C8orf34: variants seen among roughly 807,000 people sequenced by gnomAD.
The protein encoded by C8orf34 is uncharacterized protein C8orf34.
Under a neutral mutation model 68.3 loss-of-function variants are expected in C8orf34, and 65 were observed. That is an observed-to-expected ratio of 0.95 (90% CI 0.78 to 1.17). The LOEUF (loss-of-function observed/expected upper bound fraction) is 1.17. Among genes scored for constraint, C8orf34 ranks in the 50% most tolerant of loss-of-function variants. C8orf34 has a pLI of 0.00. For synonymous variants in C8orf34, 244 were observed against 241.2 expected, an observed-to-expected ratio of 1.01 and a Z score of -0.11; for missense variants, 664 against 655.4, an observed-to-expected ratio of 1.01 and a Z score of -0.14.
chr8:68,790,026 T>C (rs1380393909), intron 12 of C8orf34, among the ~76,000 whole-genome samples: 3 of 152,098 alleles, frequency 2.0e-5, no homozygotes, highest in Non-Finnish European at 4.4e-5. Context: ...TTTAAAGTAA[T>C]TGGGTAGTAA....
At chr8:68,784,695 G>A (rs1045338690) in intron 11 of C8orf34, among the ~76,000 whole-genome samples, 6 of 151,982 alleles carry the variant, frequency 3.9e-5, no homozygotes, top group Non-Finnish European at 7.4e-5. Context: ...ACCCAATACT[G>A]GCTTATGTGT....
intron 1 of C8orf34, among the ~76,000 whole-genome samples, chr8:68,344,192 A>G (rs1014836309): frequency 6.6e-6 from 1 of 152,194 alleles, no homozygotes; most frequent in Non-Finnish European, 1.5e-5. Context: ...TCATTAAACA[A>G]ATGTGGGGCA....
At chr8:68,689,581 C>T (rs564679572) in intron 8 of C8orf34, among the ~76,000 whole-genome samples, 110 of 152,104 alleles carry the variant, frequency 7.2e-4, no homozygotes, top group Non-Finnish European at 1.5e-3. Flanking sequence ...CTTAAATGTT[C>T]ATCATCAGTA....
intron 11 of C8orf34, among the ~76,000 whole-genome samples, chr8:68,778,830 G>T (rs1823592427): frequency 6.6e-6 from 1 of 152,028 alleles, no homozygotes; most frequent in South Asian, 2.1e-4. Flanking sequence ...AATTCAATCA[G>T]TTCCAAATCT....
intron 10 of C8orf34, among the ~76,000 whole-genome samples, chr8:68,740,866 T>C (rs1822268983): frequency 6.6e-6 from 1 of 152,188 alleles, no homozygotes; most frequent in African/African-American, 2.4e-5. Context: ...AAAGCAAATG[T>C]GGTACATATA....
intron 4 of C8orf34, among the ~76,000 whole-genome samples, chr8:68,478,419 C>A (rs1305079129): frequency 1.3e-5 from 2 of 152,174 alleles, no homozygotes; most frequent in Non-Finnish European, 2.9e-5. Flanking sequence ...CTAGGAATTT[C>A]CAAACTTTCC....
intron 5 of C8orf34, among the ~76,000 whole-genome samples, chr8:68,497,410 T>A (rs1000998957): frequency 6.6e-6 from 1 of 152,164 alleles, no homozygotes; most frequent in Non-Finnish European, 1.5e-5. Context: ...ACATTGCTAG[T>A]GGGAATGCAA....
At chr8:68,444,822 T>A (rs902149197) in intron 2 of C8orf34, among the ~76,000 whole-genome samples, 1 of 152,228 alleles carries the variant, frequency 6.6e-6, no homozygotes, top group African/African-American at 2.4e-5. Context: ...ATTCATTTCA[T>A]TCCTCTCTGG....
intron 7 of C8orf34, among the ~76,000 whole-genome samples, chr8:68,626,519 G>A (rs1361798152): frequency 6.6e-6 from 1 of 152,100 alleles, no homozygotes; most frequent in East Asian, 1.9e-4. Flanking sequence ...CTCTCCAAAT[G>A]GCTTTTTTGA....
At chr8:68,623,966 T>A (rs981114256) in intron 7 of C8orf34, among the ~76,000 whole-genome samples, 1 of 152,090 alleles carries the variant, frequency 6.6e-6, no homozygotes, top group Non-Finnish European at 1.5e-5. Flanking sequence ...ACAAATGATA[T>A]TTTTCCTCTA....
At chr8:68,743,060 C>G (rs1822351037) in intron 10 of C8orf34, among the ~76,000 whole-genome samples, 1 of 151,670 alleles carries the variant, frequency 6.6e-6, no homozygotes, top group Non-Finnish European at 1.5e-5. Flanking sequence ...CTCTCTCTGA[C>G]TAATTCCATT....
chr8:68,784,813 T>TGTATGTGTGC lies in C8orf34; in HGVS notation c.1456-2628_1456-2627insATGTGTGCGT, dbSNP rs756827532. ...GTGTATGTGTGTGTATGTGTGTGTG[T>TGTATGTGTGC]GTGTGTGTGTGTGTTTTCGAGTACT... On this transcript the variant is annotated intron_variant, in intron 11 of 13. Transcript: ENST00000518698. Among the ~76,000 whole-genome samples, 412 of 151,694 alleles carry TGTATGTGTGC rather than the reference T, an allele frequency of 2.7e-3. 2 individuals carry two copies. Among genetic ancestry groups the TGTATGTGTGC allele is most frequent in the Middle Eastern group, 0.01 (3 of 292 alleles).
At chr8:68,674,268 A>G (rs1340520959) in intron 8 of C8orf34, among the ~76,000 whole-genome samples, 1 of 151,960 alleles carries the variant, frequency 6.6e-6, no homozygotes, top group Non-Finnish European at 1.5e-5. Context: ...CATCAAGACC[A>G]TCCAGAAAAG....
At chr8:68,555,768 A>G (rs954606236) in intron 7 of C8orf34, among the ~76,000 whole-genome samples, 8 of 152,190 alleles carry the variant, frequency 5.3e-5, no homozygotes, top group Non-Finnish European at 1.0e-4. Flanking sequence ...TTAGAAATTT[A>G]TTCATGTAGG....
intron 7 of C8orf34, among the ~76,000 whole-genome samples, chr8:68,551,293 C>T (rs145825001): frequency 2.8e-3 from 431 of 151,976 alleles, no homozygotes; most frequent in African/African-American, 9.3e-3. Context: ...GTCCAGTCTA[C>T]TAATGAGCTA....
intron 11 of C8orf34, among the ~76,000 whole-genome samples, chr8:68,783,637 G>A (rs1823758202): frequency 6.6e-6 from 1 of 151,554 alleles, no homozygotes; most frequent in African/African-American, 2.4e-5. Context: ...AGATCTGGAA[G>A]TCCCTCCCTA....
At chr8:68,453,825 A>G (rs1811440605) in intron 3 of C8orf34, among the ~76,000 whole-genome samples, 1 of 152,008 alleles carries the variant, frequency 6.6e-6, no homozygotes, top group East Asian at 1.9e-4. Context: ...GAAGTGATGA[A>G]AGCAGGAAGG....
chr8:68,745,433 C>G (rs1234941929), intron 10 of C8orf34, among the ~76,000 whole-genome samples: 41 of 152,060 alleles, frequency 2.7e-4, no homozygotes, highest in Non-Finnish European at 2.4e-4. Flanking sequence ...AAAAGACACA[C>G]ACTGGCAAAT....
intron 12 of C8orf34, among the ~76,000 whole-genome samples, chr8:68,787,913 CATT>C (rs1823889745): frequency 6.6e-6 from 1 of 152,120 alleles, no homozygotes; most frequent in African/African-American, 2.4e-5. Flanking sequence ...AAATTATACT[CATT>C]AGTTAAATGA....
Sources: allele counts gnomAD v4.1 joint callset (sites outside exome capture counted in the v4.1 genomes callset), GRCh38; gene constraint gnomAD v4.1.1; transcripts MANE v1.5; gene names NCBI Gene and HGNC (gene_info 2026-07-23, HGNC 2026-07-21).